Variants in LMBRD1 observed in about 807,000 individuals in gnomAD.
LMBRD1 encodes the protein lysosomal cobalamin transport escort protein LMBD1.
In LMBRD1, 64 loss-of-function variants were observed where a neutral mutation model predicts 74.8. That is an observed-to-expected ratio of 0.86 (90% confidence interval 0.70 to 1.05). The LOEUF (loss-of-function observed/expected upper bound fraction) is 1.05, where lower values mean the gene tolerates loss of function less well. Ranked by LOEUF, LMBRD1 falls within the 50% of genes least tolerant of loss-of-function variation. The probability of loss-of-function intolerance (pLI) is 0.00; values close to 1 mark genes in which losing one functional copy is unlikely to be tolerated. For synonymous variants in LMBRD1, 204 were observed against 216.3 expected, an observed-to-expected ratio of 0.94 and a Z score of 0.50; for missense variants, 652 against 645.9, an observed-to-expected ratio of 1.01 and a Z score of -0.10.
intron 3 of LMBRD1, among the ~76,000 whole-genome samples, chr6:69,754,063 T>G (rs9360401): frequency 0.34 from 52,213 of 151,862 alleles, 9,871 homozygotes; most frequent in East Asian, 0.54. Flanking sequence ...ACGATATGAC[T>G]CTACTTATAT....
intron 7 of LMBRD1, among the ~76,000 whole-genome samples, chr6:69,728,931 C>T (rs905248086): frequency 7.2e-5 from 11 of 152,092 alleles, no homozygotes; most frequent in Admixed American, 2.0e-4. Context: ...AGCAATTCTA[C>T]TTGTTCCCAA....
chr6:69,717,868 T>C (rs1412983112), intron 8 of LMBRD1, among the ~76,000 whole-genome samples: 1 of 152,132 alleles, frequency 6.6e-6, no homozygotes, highest in East Asian at 1.9e-4. Flanking sequence ...GCTAAGTTTT[T>C]GTATTTTTTT....
chr6:69,753,833 C>T (rs763743305), intron 3 of LMBRD1, among the ~76,000 whole-genome samples: 3 of 151,534 alleles, frequency 2.0e-5, no homozygotes, highest in South Asian at 4.2e-4. Context: ...CCCAGCTACT[C>T]GGGAGGCTGA....
chr6:69,782,643 T>G (rs1175650675), intron 2 of LMBRD1, among the ~76,000 whole-genome samples: 1 of 151,188 alleles, frequency 6.6e-6, no homozygotes, highest in Non-Finnish European at 1.5e-5. Flanking sequence ...ATCATGCCAC[T>G]ACACTCTAGC....
intron 4 of LMBRD1, 76 bp from the exon 5 acceptor site, chr6:69,749,484 A>C: frequency 9.0e-7 from 1 of 1,106,400 alleles, no homozygotes; most frequent in Non-Finnish European, 1.4e-6. Context: ...ACACTTTAAC[A>C]GTACCTTCAC....
rs1765331184 is a variant in LMBRD1 at position 69,759,416 on chromosome 6, A to C, written c.308-7060T>G. On this transcript the variant is annotated intron_variant, in intron 3 of 15. Coordinates refer to ENST00000649934, the MANE Select transcript of LMBRD1 (RefSeq NM_018368.4). Reference sequence around the variant, plus strand: ...CACCTGCAAATTGATTCTTTAAAAGAATCCCAATTAAGAGAGCAGCAAATC... The same window carrying C: ...CACCTGCAAATTGATTCTTTAAAAGCATCCCAATTAAGAGAGCAGCAAATC... Among the ~76,000 whole-genome samples, 3 of 152,258 alleles carry C rather than the reference A, an allele frequency of 2.0e-5. No individual in the cohort carries two copies. In the South Asian group the frequency reaches 6.2e-4, roughly 32 times the overall value.
At chr6:69,680,063 C>T (rs750086314) in intron 14 of LMBRD1, among the ~76,000 whole-genome samples, 62 of 152,162 alleles carry the variant, frequency 4.1e-4, no homozygotes, top group Middle Eastern at 6.8e-3. Flanking sequence ...TTGAAACAGA[C>T]ACAAATGGAT....
At chr6:69,727,053 G>C (rs1766752374) in intron 7 of LMBRD1, among the ~76,000 whole-genome samples, 1 of 152,150 alleles carries the variant, frequency 6.6e-6, no homozygotes, top group Non-Finnish European at 1.5e-5. Context: ...TACTCGGGAG[G>C]CTGAGGCAGG....
At chr6:69,756,070 A>G (rs1765260511) in intron 3 of LMBRD1, among the ~76,000 whole-genome samples, 1 of 152,166 alleles carries the variant, frequency 6.6e-6, no homozygotes, top group Non-Finnish European at 1.5e-5. Context: ...ATTAGAAAAT[A>G]TACACAATTT....
At chr6:69,706,377 T>G (rs1283673368) in intron 9 of LMBRD1, among the ~76,000 whole-genome samples, 1 of 152,224 alleles carries the variant, frequency 6.6e-6, no homozygotes, top group East Asian at 1.9e-4. Flanking sequence ...AATATAAGGT[T>G]AATTTTCAAG....
At chr6:69,788,982 T>C (rs1346475942) in intron 2 of LMBRD1, among the ~76,000 whole-genome samples, 1 of 152,244 alleles carries the variant, frequency 6.6e-6, no homozygotes, top group Non-Finnish European at 1.5e-5. Context: ...CAGGATTGTT[T>C]AAGAGACCAA....
intron 14 of LMBRD1, among the ~76,000 whole-genome samples, chr6:69,687,945 T>C (rs1765798329): frequency 6.6e-6 from 1 of 152,154 alleles, no homozygotes; most frequent in South Asian, 2.1e-4. Context: ...AGTTATATAC[T>C]TTCAGAAATC....
Position 69,695,305 on chromosome 6 carries a change from C to T in LMBRD1, c.1417+2258G>A, listed in dbSNP as rs567920551. On this transcript the variant is annotated intron_variant, in intron 14 of 15. Coordinates refer to ENST00000649934, the MANE Select transcript of LMBRD1 (RefSeq NM_018368.4). ...TCTTCTTCATGGAATTAATTTTTAT[C>T]TCTAACATTAAATTTTTTCTCTTTT... Among the ~76,000 whole-genome samples, 11 of 151,966 alleles carry T rather than the reference C, an allele frequency of 7.2e-5. No individual in the cohort carries two copies. In the East Asian group the frequency reaches 2.1e-3, roughly 29 times the overall value.
intron 3 of LMBRD1, among the ~76,000 whole-genome samples, chr6:69,769,579 G>A (rs1339314799): frequency 6.6e-6 from 1 of 152,056 alleles, no homozygotes; most frequent in Non-Finnish European, 1.5e-5. Context: ...AACTGGACAT[G>A]TTAGACAATA....
At chr6:69,704,989 T>C (rs1766220620) in intron 9 of LMBRD1, among the ~76,000 whole-genome samples, 1 of 151,734 alleles carries the variant, frequency 6.6e-6, no homozygotes, top group African/African-American at 2.4e-5. Context: ...AAATACTGAG[T>C]TTTATTTCAC....
chr6:69,775,344 A>G (rs964143792), intron 3 of LMBRD1, among the ~76,000 whole-genome samples: 1 of 152,112 alleles, frequency 6.6e-6, no homozygotes, highest in Non-Finnish European at 1.5e-5. Context: ...CTCAGAACAA[A>G]ACACCCCAAA....
rs558067047 is a variant in LMBRD1, at chr6:69,691,849, C to A, written c.1417+5714G>T. ...CAAGATCGCGCCACTGCACTCCAGA[C>A]TGGGCGACAGTGTGAGACTCCGTCT... On this transcript the variant is annotated intron_variant, in intron 14 of 15. Transcript: ENST00000649934. Among the ~76,000 whole-genome samples, 195 of 129,596 alleles carry A rather than the reference C, an allele frequency of 1.5e-3. No homozygotes were observed. In the Middle Eastern group the frequency reaches 0.036, roughly 24 times the overall value. The allele number at this position is 129,596 out of a possible 152,430, so 85.0% of individuals were successfully genotyped here. A position where few individuals can be genotyped will look rare whatever the true frequency, so the allele number is the denominator to read the frequency against.
At chr6:69,725,052 C>T (rs1010129790) in intron 7 of LMBRD1, among the ~76,000 whole-genome samples, 1 of 151,988 alleles carries the variant, frequency 6.6e-6, no homozygotes, top group Non-Finnish European at 1.5e-5. Context: ...AAATCAGTAG[C>T]ATTTCTATAT....
intron 14 of LMBRD1, among the ~76,000 whole-genome samples, chr6:69,688,521 G>A (rs898978893): frequency 4.6e-5 from 7 of 151,114 alleles, no homozygotes; most frequent in Non-Finnish European, 8.9e-5. Context: ...GGGAAAAGAC[G>A]GTACAAAGAC....
Sources: gnomAD v4.1 joint callset for allele counts (sites outside exome capture counted in the v4.1 genomes callset) on GRCh38, gnomAD v4.1.1 for gene constraint, MANE v1.5 for transcripts, NCBI Gene and HGNC (gene_info 2026-07-23, HGNC 2026-07-21) for gene names.